The following CMIP variants were observed in gnomAD, a reference collection of about 807,000 sequenced individuals.
CMIP encodes C-Maf-inducing protein.
A neutral mutation model predicts 97.3 loss-of-function variants in CMIP; 13 were observed. The observed-to-expected ratio is 0.13, with a 90% CI of 0.09 to 0.21. The LOEUF (loss-of-function observed/expected upper bound fraction) is 0.21. CMIP is among the 10% of genes least tolerant of loss of function. CMIP has a pLI of 1.00. For synonymous variants in CMIP, 538 were observed against 436.3 expected (o/e 1.23, Z -2.91); for missense variants, 847 against 1,024.9 (o/e 0.83, Z 2.37).
chr16:81,494,396 G>A (rs2089454096), intron 1 of CMIP, among the ~76,000 whole-genome samples: 1 of 152,222 alleles, frequency 6.6e-6, no homozygotes, highest in African/African-American at 2.4e-5. Context: ...CAGAGGGTGG[G>A]AAAGAAGGCA....
At chr16:81,607,794 G>A (rs1224792016) in intron 2 of CMIP, 102 bp downstream of exon 2, 2 of 1,316,214 alleles carry the variant, frequency 1.5e-6, no homozygotes, top group South Asian at 1.4e-5. Context: ...CAAGAGGAAA[G>A]GTTGTTTAAC....
intron 1 of CMIP, among the ~76,000 whole-genome samples, chr16:81,537,998 A>G (rs921160946): frequency 5.3e-5 from 8 of 152,202 alleles, no homozygotes; most frequent in Admixed American, 2.6e-4. Flanking sequence ...AACAATAACA[A>G]TCATCGTTTC....
At chr16:81,570,014 T>C (rs12925980) in intron 1 of CMIP, among the ~76,000 whole-genome samples, 94,442 of 151,916 alleles carry the variant, frequency 0.62, 29,712 homozygotes, top group South Asian at 0.66. Flanking sequence ...AGCATCTGTC[T>C]GTCAAAGCCA....
intron 6 of CMIP, among the ~76,000 whole-genome samples, chr16:81,663,229 A>G (rs935393992): frequency 6.6e-6 from 1 of 152,180 alleles, no homozygotes; most frequent in East Asian, 1.9e-4. Flanking sequence ...AGAACGTGGA[A>G]GCACCCAAAA....
chr16:81,689,250 T>A (rs1338503525), intron 10 of CMIP, among the ~76,000 whole-genome samples: 1 of 152,252 alleles, frequency 6.6e-6, no homozygotes, highest in African/African-American at 2.4e-5. Context: ...TCCACAATGG[T>A]TGAACTAGTT....
chr16:81,490,497 G>A (rs1367176469), intron 1 of CMIP, among the ~76,000 whole-genome samples: 1 of 152,142 alleles, frequency 6.6e-6, no homozygotes, highest in South Asian at 2.1e-4. Flanking sequence ...GTGTGTGCCT[G>A]GAATCCCAGC....
At chr16:81,557,237 G>C (rs1313477611) in intron 1 of CMIP, among the ~76,000 whole-genome samples, 1 of 152,218 alleles carries the variant, frequency 6.6e-6, no homozygotes, top group African/African-American at 2.4e-5. Flanking sequence ...AGATCATGAA[G>C]CTCCATGAAG....
intron 1 of CMIP, among the ~76,000 whole-genome samples, chr16:81,517,285 TCAGA>T (rs2041128251): frequency 9.8e-6 from 1 of 102,244 alleles, no homozygotes; most frequent in Non-Finnish European, 2.5e-5. Context: ...CAGTGAAAAA[TCAGA>T]CAGCTTCCAA....
intron 1 of CMIP, among the ~76,000 whole-genome samples, chr16:81,602,711 T>A (rs1309190459): frequency 6.6e-6 from 1 of 152,078 alleles, no homozygotes; most frequent in Non-Finnish European, 1.5e-5. Flanking sequence ...AGGAAAAAAA[T>A]TTTTCGTCTG....
chr16:81,684,124 C>T (rs1008566710), intron 10 of CMIP, among the ~76,000 whole-genome samples: 1 of 152,168 alleles, frequency 6.6e-6, no homozygotes, highest in East Asian at 1.9e-4. Context: ...TCAAAGGTCC[C>T]TGGAGCATTT....
At chr16:81,572,972 G>A (rs1183070408) in intron 1 of CMIP, among the ~76,000 whole-genome samples, 1 of 152,218 alleles carries the variant, frequency 6.6e-6, no homozygotes, top group African/African-American at 2.4e-5. Context: ...CACACTGAGA[G>A]AGAAATGTAG....
rs140498730 is a variant in CMIP at position 81,536,495 on chromosome 16, C to T, written c.301-71072C>T. ...GTGATAAGATACACAGAACATAATGCCCTGTCCTAACCATTTTTAAGTGTG... is the reference window on the plus strand; with the variant it reads ...GTGATAAGATACACAGAACATAATGTCCTGTCCTAACCATTTTTAAGTGTG... On this transcript the variant is annotated intron_variant, in intron 1 of 20. Coordinates refer to ENST00000537098, the MANE Select transcript of CMIP (RefSeq NM_198390.3). Among the ~76,000 whole-genome samples, 150 of 152,270 alleles carry T rather than the reference C, an allele frequency of 9.9e-4. 2 individuals are homozygous for T. The East Asian group carries it at 0.016, about 16-fold the overall frequency.
intron 5 of CMIP, among the ~76,000 whole-genome samples, chr16:81,658,551 A>G (rs1411869053): frequency 6.6e-6 from 1 of 152,260 alleles, no homozygotes; most frequent in East Asian, 1.9e-4. Flanking sequence ...AGGTAGTGCT[A>G]TCTGAGCTGG....
chr16:81,500,897 G>T (rs1426578078), intron 1 of CMIP, among the ~76,000 whole-genome samples: 1 of 151,538 alleles, frequency 6.6e-6, no homozygotes, highest in African/African-American at 2.4e-5. Flanking sequence ...GTGCATCTGC[G>T]TCTTTGAAGT....
At chr16:81,475,425 CTTGTGCATATTT>C (rs796238926) in intron 1 of CMIP, among the ~76,000 whole-genome samples, 10 of 152,288 alleles carry the variant, frequency 6.6e-5, no homozygotes, top group African/African-American at 2.4e-4. Context: ...GATGTTTATT[CTTGTGCATATTT>C]TTGTACTTGT....
Position 81,445,499 on chromosome 16 carries a change from G to T in CMIP, c.258G>T (p.Pro86=). The T allele has an allele frequency of 6.4e-7, 1 of 1,554,092 alleles. No individual in the cohort carries two copies. Among genetic ancestry groups the T allele is most frequent in the Non-Finnish European group, 8.7e-7 (1 of 1,148,836 alleles). Residue 86 remains proline (P), a synonymous_variant, in exon 1 of 21, where the codon CCG becomes CCT. Transcript: ENST00000537098. The part of the protein sequence containing the change: ...LTSKFLRRWE[P]HHLTLADNSL... The stretch of plus-strand genomic sequence containing the variant: ...CGAAATTCCTGAGGCGCTGGGAGCC[G>T]CACCACCTAACGCTGGCCGACAACA...
At position 81,664,265 on chromosome 16, in the gene CMIP, C is replaced by T. The variant is rs1463496355; in HGVS notation, c.745-4C>T. Reference sequence around the variant, plus strand: ...GCAGTAACTGTACCCCACTCTGTCCCCAGCACTGCAGAGAGCGGCCCCGGT... The same window carrying T: ...GCAGTAACTGTACCCCACTCTGTCCTCAGCACTGCAGAGAGCGGCCCCGGT... On this transcript the variant is annotated splice_polypyrimidine_tract_variant and splice_region_variant and intron_variant, in intron 6 of 20. Transcript: ENST00000537098. 17 of 1,596,830 alleles carry T rather than the reference C, an allele frequency of 1.1e-5. No homozygotes were observed. The highest frequency in any genetic ancestry group is 2.7e-5 in the African/African-American group (2 of 74,454).
At chr16:81,546,952 C>T (rs1325144182) in intron 1 of CMIP, among the ~76,000 whole-genome samples, 1 of 152,164 alleles carries the variant, frequency 6.6e-6, no homozygotes, top group Admixed American at 6.5e-5. Flanking sequence ...CCCTGCATCG[C>T]GAGAGCTCCC....
intron 1 of CMIP, among the ~76,000 whole-genome samples, chr16:81,548,669 T>C (rs1414055679): frequency 2.7e-5 from 4 of 146,682 alleles, no homozygotes; most frequent in African/African-American, 5.0e-5. Flanking sequence ...AGGGAGACCA[T>C]GCCTCTACAA....
Sources: gnomAD v4.1 joint callset for allele counts (sites outside exome capture counted in the v4.1 genomes callset) on GRCh38, gnomAD v4.1.1 for gene constraint, MANE v1.5 for transcripts, NCBI Gene and HGNC (gene_info 2026-07-23, HGNC 2026-07-21) for gene names.